TMEM255B: variants seen among roughly 807,000 people sequenced by gnomAD.
TMEM255B encodes the protein transmembrane protein 255B, also known as family with sequence similarity 70, member B.
TMEM255B carries 35 observed loss-of-function variants against 34.5 expected under a neutral mutation model. The observed-to-expected ratio is 1.01, with a 90% CI of 0.77 to 1.34. TMEM255B has a LOEUF of 1.34. TMEM255B is among the 40% of genes most tolerant of loss of function. The pLI, the probability that TMEM255B is intolerant of heterozygous loss-of-function variation, is 0.00. For synonymous variants in TMEM255B, 206 were observed against 201.2 expected (o/e 1.02, Z -0.20); for missense variants, 432 against 433.2 (o/e 1.00, Z 0.02).
chr13:113,804,897 C>T lies in TMEM255B; in HGVS notation c.682C>T (p.Gln228Ter), dbSNP rs1159527320. Residue 228 changes from glutamine (Q) to a stop codon, truncating the protein, a stop_gained, in exon 8 of 9, where the codon CAG becomes TAG. Transcript: ENST00000375353. LOFTEE classifies it high-confidence loss of function. ...GAFKDMVPLS[Q>*]LAYGPAVPPQ... ...CTCTCCATGGCAGGTGCCTCTGTCC[C>T]AGCTGGCCTATGGCCCAGCCGTCCC... 1.2e-6 allele frequency: 2 copies of T among 1,600,510 alleles called. No homozygotes were observed. The highest frequency in any genetic ancestry group is 1.1e-5 in the South Asian group (1 of 90,608).
intron 2 of TMEM255B, chr13:113,768,820 G>C: frequency 1.9e-6 from 1 of 539,298 alleles, no homozygotes; most frequent in South Asian, 1.5e-5. Context: ...TCTGGGGGAG[G>C]AGTGGGAACT....
intron 7 of TMEM255B, chr13:113,802,996 T>G (rs2051094971): frequency 6.7e-6 from 1 of 148,204 alleles, no homozygotes; most frequent in South Asian, 2.1e-4. Flanking sequence ...CGGTGCAAGC[T>G]TCTCTGCCTC....
intron 3 of TMEM255B, among the ~76,000 whole-genome samples, chr13:113,786,711 G>C (rs1217147515): frequency 6.6e-6 from 1 of 152,236 alleles, no homozygotes; most frequent in Non-Finnish European, 1.5e-5. Context: ...GTCACTAGCA[G>C]CAGCTGCTTC....
rs139309608 is a variant in TMEM255B at position 113,760,150 on chromosome 13, A to T, written c.46+835A>T. Among the ~76,000 whole-genome samples, 314 of 152,304 alleles carry T rather than the reference A, an allele frequency of 2.1e-3. No homozygotes were observed. In the Middle Eastern group the frequency reaches 0.034, roughly 16 times the overall value. On this transcript the variant is annotated intron_variant, in intron 1 of 8. Transcript: ENST00000375353. Reference sequence around the variant, plus strand: ...GGGCTCTGCCGCTCCCTCAGAAATAATCCAACACAAACTTCTGGGGATTAA... The same window carrying T: ...GGGCTCTGCCGCTCCCTCAGAAATATTCCAACACAAACTTCTGGGGATTAA...
chr13:113,796,232 C>G (rs1315250638), intron 4 of TMEM255B, among the ~76,000 whole-genome samples: 1 of 150,138 alleles, frequency 6.7e-6, no homozygotes, highest in East Asian at 2.0e-4. Flanking sequence ...ACACACACAA[C>G]AGAGCACATA....
chr13:113,771,978 G>A (rs2050485804), intron 3 of TMEM255B, among the ~76,000 whole-genome samples: 1 of 152,136 alleles, frequency 6.6e-6, no homozygotes, highest in Non-Finnish European at 1.5e-5. Flanking sequence ...ACAGGCATGA[G>A]GGCTCCTGTT....
chr13:113,765,462 C>G (rs2050373670), intron 1 of TMEM255B, among the ~76,000 whole-genome samples: 1 of 152,250 alleles, frequency 6.6e-6, no homozygotes, highest in Non-Finnish European at 1.5e-5. Flanking sequence ...GTGCGGTCTG[C>G]TTTCCCTGCA....
At position 113,806,517 on chromosome 13, in the gene TMEM255B, C is replaced by A. The variant is rs2051175444; in HGVS notation, c.813+1489C>A. ...CCCTGCTCCCTGGGAACACAAGGCC[C>A]CTGCTGGAGGTCTGGCCTGGAAACA... On this transcript the variant is annotated intron_variant, in intron 8 of 8. Coordinates refer to ENST00000375353, the MANE Select transcript of TMEM255B (RefSeq NM_182614.4). This position sits in a 1 kb window ranked among gnomAD's most constrained non-coding sequence, Gnocchi z 4.2. Among the ~76,000 whole-genome samples the A allele has an allele frequency of 6.6e-6, 1 of 152,156 alleles. No homozygotes were observed. The highest frequency in any genetic ancestry group is 6.5e-5 in the Admixed American group (1 of 15,280).
intron 1 of TMEM255B, among the ~76,000 whole-genome samples, chr13:113,762,270 T>A (rs2050321393): frequency 1.3e-5 from 2 of 152,206 alleles, no homozygotes; most frequent in African/African-American, 4.8e-5. Context: ...ATTTTTATGC[T>A]GTGTCATGTA....
intron 4 of TMEM255B, 150 bp from the exon 5 acceptor site, chr13:113,799,189 A>T: frequency 2.9e-6 from 2 of 682,980 alleles, no homozygotes; most frequent in Admixed American, 2.4e-5. Flanking sequence ...GGAGTCTCCC[A>T]TCTTGTGTTC....
At chr13:113,795,036 G>C in intron 3 of TMEM255B, 112 bp from the exon 4 acceptor site, 1 of 913,790 alleles carries the variant, frequency 1.1e-6, no homozygotes. Flanking sequence ...GAGGTGAGAA[G>C]AGGCAGTTCT....
chr13:113,796,526 CCACA>C (rs1479885162), intron 4 of TMEM255B, among the ~76,000 whole-genome samples: 1 of 150,530 alleles, frequency 6.6e-6, no homozygotes, highest in Non-Finnish European at 1.5e-5. Context: ...AGCACACACA[CCACA>C]CAGAGCACAC....
chr13:113,792,595 G>A lies in TMEM255B; in HGVS notation c.253-2553G>A, dbSNP rs139220234. On this transcript the variant is annotated intron_variant, in intron 3 of 8. Transcript: ENST00000375353. ...TGGCTTATGCTTTGCTATGGTGGCCGTCAGACGGGGTCAGCTGTTCAAGAG... is the reference window on the plus strand; with the variant it reads ...TGGCTTATGCTTTGCTATGGTGGCCATCAGACGGGGTCAGCTGTTCAAGAG... Among the ~76,000 whole-genome samples, 992 of 152,356 alleles carry A rather than the reference G, an allele frequency of 6.5e-3. 14 individuals are homozygous for A. The highest frequency in any genetic ancestry group is 0.021 in the African/African-American group (886 of 41,590).
intron 3 of TMEM255B, among the ~76,000 whole-genome samples, chr13:113,771,752 G>A (rs1325025903): frequency 6.6e-6 from 1 of 152,176 alleles, no homozygotes; most frequent in Non-Finnish European, 1.5e-5. Flanking sequence ...CCATACACCA[G>A]TTGATGGACA....
intron 8 of TMEM255B, among the ~76,000 whole-genome samples, chr13:113,807,116 C>T (rs2051187369): frequency 6.6e-6 from 1 of 152,190 alleles, no homozygotes; most frequent in East Asian, 1.9e-4. Context: ...GAAGCTCTGG[C>T]TGTGAGGGGC....
At chr13:113,771,666 A>G (rs1210928571) in intron 3 of TMEM255B, among the ~76,000 whole-genome samples, 6 of 152,122 alleles carry the variant, frequency 3.9e-5, no homozygotes, top group African/African-American at 9.7e-5. Flanking sequence ...GTGACTGAGC[A>G]AGACTCTGTC....
intron 3 of TMEM255B, among the ~76,000 whole-genome samples, chr13:113,790,559 T>A (rs1014262045): frequency 3.1e-5 from 4 of 131,080 alleles, no homozygotes; most frequent in Non-Finnish European, 6.4e-5. Flanking sequence ...CTGAACTGAC[T>A]GGACACATGG....
Position 113,786,496 on chromosome 13 carries a change from C to T in TMEM255B, c.253-8652C>T, listed in dbSNP as rs546998140. 3.3e-4 allele frequency among the ~76,000 whole-genome samples: 50 copies of T among 151,532 alleles called. No individual in the cohort carries two copies. In the South Asian group the frequency reaches 0.01, roughly 31 times the overall value. ...TCATCACCATCACTGTTGTCACCAT[C>T]ATCACCATCACCATCATCACCATTG... On this transcript the variant is annotated intron_variant, in intron 3 of 8. Coordinates refer to ENST00000375353, the MANE Select transcript of TMEM255B (RefSeq NM_182614.4).
In TMEM255B at chr13:113,801,818, GC is replaced by G; in HGVS notation, c.669+10del. 6.3e-7 allele frequency: 1 copy of G among 1,591,480 alleles called. No individual in the cohort carries two copies. On this transcript the variant is annotated splice_region_variant and intron_variant, in intron 7 of 8. Coordinates refer to ENST00000375353, the MANE Select transcript of TMEM255B (RefSeq NM_182614.4). Reference sequence around the variant, plus strand: ...TGGGGGCCTTCAAGGACATGGTGAGGCCCCTTGGTGGGACCCCCGCTGCTCA... The same window carrying G: ...TGGGGGCCTTCAAGGACATGGTGAGGCCCTTGGTGGGACCCCCGCTGCTCA...
Sources: gnomAD v4.1 joint callset for allele counts (sites outside exome capture counted in the v4.1 genomes callset) on GRCh38, gnomAD v4.1.1 for gene constraint, Gnocchi (gnomAD v3.1) non-coding constraint, MANE v1.5 for transcripts, NCBI Gene and HGNC (gene_info 2026-07-23, HGNC 2026-07-21) for gene names.